Variants in SCN8A observed in about 807,000 individuals in gnomAD.
SCN8A encodes sodium voltage-gated channel alpha subunit 8, also known as sodium channel protein type 8 subunit alpha.
A neutral mutation model predicts 184.1 loss-of-function variants in SCN8A; 30 were observed. The ratio of observed to expected loss-of-function variants is 0.16; its 90% confidence interval spans 0.12 to 0.22. The LOEUF (loss-of-function observed/expected upper bound fraction) is 0.22, where lower values mean the gene tolerates loss of function less well. Among genes scored for constraint, SCN8A ranks in the 10% least tolerant of loss-of-function variants. SCN8A has a pLI of 1.00. For synonymous variants in SCN8A, 852 were observed against 907.0 expected (o/e 0.94, Z 1.09); for missense variants, 1,057 against 2,498.9 (o/e 0.42, Z 12.30).
chr12:51,632,314 T>G (rs916352504), intron 1 of SCN8A, among the ~76,000 whole-genome samples: 2 of 152,234 alleles, frequency 1.3e-5, no homozygotes, highest in African/African-American at 4.8e-5. Context: ...GGGAAATAAT[T>G]CAGAACAGTT....
chr12:51,704,634 C>T (rs1941748387), intron 9 of SCN8A, among the ~76,000 whole-genome samples: 1 of 139,056 alleles, frequency 7.2e-6, no homozygotes, highest in Non-Finnish European at 1.5e-5. Context: ...GATGGCACTG[C>T]ACTCCAGCCT....
intron 2 of SCN8A, 72 bp from the exon 3 acceptor site, chr12:51,684,102 C>A: frequency 2.4e-6 from 2 of 822,612 alleles, no homozygotes; most frequent in Non-Finnish European, 4.3e-6. Context: ...TATTCCTTAC[C>A]TAGAAATCAT....
intron 20 of SCN8A, among the ~76,000 whole-genome samples, chr12:51,775,228 A>G (rs1243011344): frequency 2.0e-5 from 3 of 152,250 alleles, no homozygotes; most frequent in Non-Finnish European, 2.9e-5. Flanking sequence ...GTGCCAAGAA[A>G]GTAGAACGGT....
At chr12:51,600,997 G>A (rs1407642501) in intron 1 of SCN8A, among the ~76,000 whole-genome samples, 2 of 151,970 alleles carry the variant, frequency 1.3e-5, no homozygotes, top group Admixed American at 1.3e-4. Flanking sequence ...CTCTATTTAG[G>A]GTATTACCCA....
chr12:51,728,837 C>A (rs1209724258), intron 12 of SCN8A, among the ~76,000 whole-genome samples: 1 of 151,990 alleles, frequency 6.6e-6, no homozygotes, highest in African/African-American at 2.4e-5. Context: ...CAACCAGAGA[C>A]AGCCAAACAT....
chr12:51,722,089 T>C (rs1592406660), intron 12 of SCN8A, 181 bp downstream of exon 12: 1 of 882,458 alleles, frequency 1.1e-6, no homozygotes, highest in East Asian at 2.7e-5. Context: ...CTTCCTGGCC[T>C]ATTTCTATTT....
At chr12:51,641,801 C>T (rs751970482) in intron 1 of SCN8A, among the ~76,000 whole-genome samples, 2 of 152,284 alleles carry the variant, frequency 1.3e-5, no homozygotes, top group Non-Finnish European at 2.9e-5. Context: ...GGCAGTGTAA[C>T]TCAAATGTAA....
intron 12 of SCN8A, among the ~76,000 whole-genome samples, chr12:51,742,322 C>T (rs748976836): frequency 4.6e-5 from 7 of 152,182 alleles, no homozygotes; most frequent in Non-Finnish European, 7.3e-5. Flanking sequence ...TTGCCGTTAA[C>T]ATCCTCTCTT....
intron 26 of SCN8A, among the ~76,000 whole-genome samples, chr12:51,802,749 CAG>C (rs1938590832): frequency 2.0e-5 from 3 of 152,184 alleles, no homozygotes; most frequent in African/African-American, 4.8e-5. Flanking sequence ...GTATTACGTA[CAG>C]AGTCACTAAA....
At chr12:51,603,320 A>T (rs1939509631) in intron 1 of SCN8A, among the ~76,000 whole-genome samples, 1 of 152,172 alleles carries the variant, frequency 6.6e-6, no homozygotes, top group African/African-American at 2.4e-5. Context: ...AATACTTTGG[A>T]GATTTAACCA....
intron 12 of SCN8A, among the ~76,000 whole-genome samples, chr12:51,744,639 G>T (rs1266674192): frequency 1.3e-5 from 2 of 149,222 alleles, no homozygotes; most frequent in Non-Finnish European, 3.0e-5. Flanking sequence ...TTGAGATGAG[G>T]TCTCTATGTT....
At position 51,706,475 on chromosome 12, in the gene SCN8A, A is replaced by G; in HGVS notation, c.1395A>G (p.Glu465=). ...CTGTCTCAGAAGATGCCATAGAGGA[A>G]GAAGGTGAAGAAGGAGGGGGCTCCC... ...AGTVSEDAIE[E]EGEEGGGSPR... The change falls in exon 11 of 27, where the codon GAA becomes GAG. Residue 465 remains glutamate, a synonymous_variant. Transcript: ENST00000627620. 1 of 1,605,336 alleles carries G rather than the reference A, an allele frequency of 6.2e-7. No individual in the cohort carries two copies. Among genetic ancestry groups the G allele is most frequent in the Non-Finnish European group, 8.5e-7 (1 of 1,176,060 alleles).
chr12:51,767,266 T>A (rs1220291457), intron 16 of SCN8A, among the ~76,000 whole-genome samples: 1 of 152,144 alleles, frequency 6.6e-6, no homozygotes, highest in Non-Finnish European at 1.5e-5. Context: ...CCTGTTCTTA[T>A]TTGTCTCAAA....
intron 14 of SCN8A, among the ~76,000 whole-genome samples, chr12:51,753,396 GTGGAATGAC>G (rs1942625368): frequency 6.6e-6 from 1 of 152,168 alleles, no homozygotes; most frequent in Non-Finnish European, 1.5e-5. Context: ...TGAGGGAAAA[GTGGAATGAC>G]TGCAAAGGAA....
intron 1 of SCN8A, among the ~76,000 whole-genome samples, chr12:51,601,928 GA>G (rs1417999623): frequency 4.7e-5 from 6 of 128,914 alleles, no homozygotes; most frequent in African/African-American, 1.8e-4. Flanking sequence ...AAAATCTCAA[GA>G]AAAAAACTCA....
intron 1 of SCN8A, among the ~76,000 whole-genome samples, chr12:51,630,706 T>C (rs1395781716): frequency 6.6e-6 from 1 of 152,140 alleles, no homozygotes; most frequent in African/African-American, 2.4e-5. Flanking sequence ...TCCTCACCTT[T>C]TTGATGCCAG....
intron 25 of SCN8A, among the ~76,000 whole-genome samples, chr12:51,791,875 C>T (rs1938263822): frequency 6.6e-6 from 1 of 151,764 alleles, no homozygotes; most frequent in Non-Finnish European, 1.5e-5. Flanking sequence ...GGGACCCTGT[C>T]TCAAAAAATA....
chr12:51,636,477 C>T (rs1179100803), intron 1 of SCN8A, among the ~76,000 whole-genome samples: 1 of 152,168 alleles, frequency 6.6e-6, no homozygotes, highest in Non-Finnish European at 1.5e-5. Context: ...ATGTCATACT[C>T]CCAAATCATC....
chr12:51,616,543 C>CGGA (rs1939841788), intron 1 of SCN8A, among the ~76,000 whole-genome samples: 1 of 151,672 alleles, frequency 6.6e-6, no homozygotes, highest in Non-Finnish European at 1.5e-5. Context: ...ACCCGGGAGG[C>CGGA]GGAGGTACAG....
Sources: gnomAD v4.1 joint callset for allele counts (sites outside exome capture counted in the v4.1 genomes callset) on GRCh38, gnomAD v4.1.1 for gene constraint, MANE v1.5 for transcripts, NCBI Gene and HGNC (gene_info 2026-07-23, HGNC 2026-07-21) for gene names.